Variants in C12orf42 observed in about 807,000 individuals in gnomAD.
The protein encoded by C12orf42 is uncharacterized protein C12orf42.
A neutral mutation model predicts 21.6 loss-of-function variants in C12orf42; 25 were observed. The ratio of observed to expected loss-of-function variants is 1.16; its 90% CI spans 0.84 to 1.62. The LOEUF (loss-of-function observed/expected upper bound fraction) is 1.62, where lower values mean the gene tolerates loss of function less well. Among genes scored for constraint, C12orf42 ranks in the 40% most tolerant of loss-of-function variants. C12orf42 has a pLI of 0.00. For missense variants in C12orf42, 483 were observed against 459.3 expected, an observed-to-expected ratio of 1.05 and a Z score of -0.47; for synonymous variants, 174 against 175.0, an observed-to-expected ratio of 0.99 and a Z score of 0.05.
intron 4 of C12orf42, among the ~76,000 whole-genome samples, chr12:103,359,941 T>C (rs576124520): frequency 2.0e-4 from 30 of 151,752 alleles, no homozygotes; most frequent in Admixed American, 1.4e-3. Context: ...TAACCCATGA[T>C]CCTGCCCTGT....
At chr12:103,170,912 G>A in the C12orf42 span, among the ~76,000 whole-genome samples, 2 of 152,156 alleles carry the variant, frequency 1.3e-5, no homozygotes, top group East Asian at 1.9e-4. Flanking sequence ...TCAGTCTGGA[G>A]AAGAGAAGTG....
At chr12:103,300,009 C>T (rs1327949640), downstream of C12orf42, among the ~76,000 whole-genome samples, 1 of 152,168 alleles carries the variant, frequency 6.6e-6, no homozygotes, top group African/African-American at 2.4e-5. Flanking sequence ...TCTCAAAGTG[C>T]TCTCTCTTTA....
At chr12:103,356,530 G>C (rs919212813) in intron 4 of C12orf42, among the ~76,000 whole-genome samples, 3 of 151,844 alleles carry the variant, frequency 2.0e-5, no homozygotes, top group Admixed American at 6.6e-5. Context: ...AGTCCTTTGG[G>C]TATATACCCA....
the C12orf42 span, among the ~76,000 whole-genome samples, chr12:103,060,188 TAGAC>T: frequency 1.3e-5 from 2 of 151,454 alleles, no homozygotes; most frequent in African/African-American, 2.4e-5. Context: ...ACACCAACAA[TAGAC>T]AGAGAGCCAA....
At chr12:103,219,275 A>C in the C12orf42 span, among the ~76,000 whole-genome samples, 1 of 152,212 alleles carries the variant, frequency 6.6e-6, no homozygotes, top group Non-Finnish European at 1.5e-5. Flanking sequence ...TGGATTAAAG[A>C]CTTAAACATA....
At chr12:103,499,261 C>T (rs1955657000), upstream of C12orf42, among the ~76,000 whole-genome samples, 1 of 152,152 alleles carries the variant, frequency 6.6e-6, no homozygotes, top group Non-Finnish European at 1.5e-5. Context: ...CTCACCACCA[C>T]ACACCAAAAA....
chr12:103,362,252 G>A (rs1304282065), intron 4 of C12orf42, among the ~76,000 whole-genome samples: 4 of 152,112 alleles, frequency 2.6e-5, no homozygotes, highest in Non-Finnish European at 5.9e-5. Context: ...ATCCAGAAGA[G>A]AAGTAACAAT....
intron 4 of C12orf42, among the ~76,000 whole-genome samples, chr12:103,285,764 T>C (rs1444081293): frequency 6.6e-6 from 1 of 152,194 alleles, no homozygotes; most frequent in African/African-American, 2.4e-5. Context: ...ACATCTTCAT[T>C]GGAGAAGATT....
At chr12:103,199,065 T>C in the C12orf42 span, among the ~76,000 whole-genome samples, 2 of 152,184 alleles carry the variant, frequency 1.3e-5, no homozygotes, top group African/African-American at 4.8e-5. Context: ...CAAAATATAT[T>C]ATAAAACTAC....
chr12:103,296,851 C>T (rs961869885), intron 4 of C12orf42, among the ~76,000 whole-genome samples: 12 of 152,146 alleles, frequency 7.9e-5, no homozygotes, highest in Non-Finnish European at 1.5e-4. Context: ...TGTGCAGAAG[C>T]TTTTTAGTTT....
chr12:103,299,948 A>T (rs946841978), downstream of C12orf42, among the ~76,000 whole-genome samples: 3 of 152,246 alleles, frequency 2.0e-5, no homozygotes, highest in African/African-American at 7.2e-5. Context: ...ATCCAAAATG[A>T]GGACAAATAA....
intron 4 of C12orf42, among the ~76,000 whole-genome samples, chr12:103,323,577 C>T (rs746196650): frequency 5.3e-5 from 8 of 152,302 alleles, no homozygotes; most frequent in Non-Finnish European, 1.0e-4. Flanking sequence ...AACACAATAG[C>T]ACAGTTATAG....
intron 3 of C12orf42, among the ~76,000 whole-genome samples, chr12:103,369,411 CATAAA>C (rs1489796364): frequency 6.6e-5 from 10 of 151,646 alleles, no homozygotes; most frequent in Non-Finnish European, 1.0e-4. Flanking sequence ...AGATGAAAAA[CATAAA>C]ATAAGAGATA....
chr12:103,408,633 A>G (rs1426312386), intron 2 of C12orf42, among the ~76,000 whole-genome samples: 3 of 152,218 alleles, frequency 2.0e-5, no homozygotes, highest in Non-Finnish European at 2.9e-5. Flanking sequence ...ATTATCAGCC[A>G]CTGATTTCAG....
At chr12:103,458,239 G>C (rs1466199906) in intron 2 of C12orf42, among the ~76,000 whole-genome samples, 1 of 152,172 alleles carries the variant, frequency 6.6e-6, no homozygotes, top group Non-Finnish European at 1.5e-5. Context: ...GAAGACGTTG[G>C]GGGCAGGAAC....
chr12:103,071,756 T>C, the C12orf42 span, among the ~76,000 whole-genome samples: 1 of 152,284 alleles, frequency 6.6e-6, no homozygotes, highest in African/African-American at 2.4e-5. Context: ...GAACTGTGAG[T>C]CAATTAAACC....
intron 4 of C12orf42, among the ~76,000 whole-genome samples, chr12:103,328,475 G>T (rs11111531): frequency 0.08 from 12,096 of 152,046 alleles, 498 homozygotes; most frequent in East Asian, 0.18. Context: ...ATATTAAATA[G>T]TATCATATAG....
chr12:103,195,895 C>T, the C12orf42 span, among the ~76,000 whole-genome samples: 191 of 152,138 alleles, frequency 1.3e-3, no homozygotes, highest in Non-Finnish European at 2.3e-3. Context: ...CCTGAATTTG[C>T]CTCTGGGGTT....
the C12orf42 span, among the ~76,000 whole-genome samples, chr12:103,522,141 G>A: frequency 6.6e-6 from 1 of 152,070 alleles, no homozygotes; most frequent in Non-Finnish European, 1.5e-5. Flanking sequence ...TGAATCATGG[G>A]GGCTGTTTCC....
Sources: allele counts gnomAD v4.1 joint callset (sites outside exome capture counted in the v4.1 genomes callset), GRCh38; gene constraint gnomAD v4.1.1; transcripts MANE v1.5; gene names NCBI Gene and HGNC (gene_info 2026-07-23, HGNC 2026-07-21).